WWOX: variants seen among roughly 807,000 people sequenced by gnomAD.
The protein encoded by WWOX is WW domain-containing oxidoreductase.
Under a neutral mutation model 46.2 loss-of-function variants are expected in WWOX, and 69 were observed. The ratio of observed to expected loss-of-function variants is 1.49; its 90% confidence interval spans 1.23 to 1.82. The LOEUF (loss-of-function observed/expected upper bound fraction) is 1.82. Among genes scored for constraint, WWOX ranks in the 40% most tolerant of loss-of-function variants. WWOX has a pLI of 0.00. For synonymous variants in WWOX, 359 were observed against 202.6 expected, an observed-to-expected ratio of 1.77 and a Z score of -6.56; for missense variants, 919 against 542.6, an observed-to-expected ratio of 1.69 and a Z score of -6.89.
chr16:79,092,009 G>C (rs765566964), intron 8 of WWOX, among the ~76,000 whole-genome samples: 10 of 152,002 alleles, frequency 6.6e-5, no homozygotes, highest in Non-Finnish European at 1.3e-4. Flanking sequence ...TCGATCTCTT[G>C]ACCTCGTGAT....
chr16:78,148,099 A>G (rs2034270634), intron 4 of WWOX, among the ~76,000 whole-genome samples: 1 of 152,250 alleles, frequency 6.6e-6, no homozygotes, highest in Non-Finnish European at 1.5e-5. Flanking sequence ...GTTCAGTAAT[A>G]GAATATAGTG....
chr16:78,842,689 C>A (rs1288648628), intron 8 of WWOX, among the ~76,000 whole-genome samples: 6 of 151,926 alleles, frequency 3.9e-5, no homozygotes, highest in Admixed American at 2.0e-4. Flanking sequence ...CATAGTGTGA[C>A]CCCATTTCTA....
chr16:78,723,691 C>T (rs529810123), intron 8 of WWOX, among the ~76,000 whole-genome samples: 2 of 151,058 alleles, frequency 1.3e-5, no homozygotes. Flanking sequence ...TGTTGGAAAG[C>T]TTTCTGCTAA....
intron 4 of WWOX, among the ~76,000 whole-genome samples, chr16:78,120,116 T>C (rs1345651069): frequency 4.6e-5 from 7 of 152,174 alleles, no homozygotes; most frequent in Admixed American, 4.6e-4. Context: ...TTGCATTTTC[T>C]ATTGGTACTT....
intron 4 of WWOX, among the ~76,000 whole-genome samples, chr16:78,142,614 T>C (rs1317146170): frequency 6.6e-6 from 1 of 152,214 alleles, no homozygotes; most frequent in Admixed American, 6.5e-5. Context: ...GAAATCATGA[T>C]TGTGGGTGAA....
rs181921096 is a variant in WWOX, at chr16:78,748,556, G to C, written c.1056+315804G>C. Among the ~76,000 whole-genome samples, 353 of 152,228 alleles carry C rather than the reference G, an allele frequency of 2.3e-3. 2 individuals carry two copies. The highest frequency in any genetic ancestry group is 8.0e-3 in the African/African-American group (332 of 41,540). ...TGGCAGCAAGCCTGCTTTACCATTG[G>C]AGACCTCAGCTCTGATTACAATACG... On this transcript the variant is annotated intron_variant, in intron 8 of 8. Coordinates refer to ENST00000566780, the MANE Select transcript of WWOX (RefSeq NM_016373.4).
chr16:78,388,953 G>C (rs2082118752), intron 6 of WWOX, among the ~76,000 whole-genome samples: 1 of 144,270 alleles, frequency 6.9e-6, no homozygotes. Context: ...CGGGTGACAA[G>C]AGCAAAACTC....
At chr16:78,760,603 C>G (rs776922708) in intron 8 of WWOX, among the ~76,000 whole-genome samples, 1 of 152,166 alleles carries the variant, frequency 6.6e-6, no homozygotes, top group South Asian at 2.1e-4. Flanking sequence ...TGTGTCTCCC[C>G]TCCAAGAACA....
At chr16:78,488,900 C>G (rs955472096) in intron 8 of WWOX, among the ~76,000 whole-genome samples, 1 of 150,870 alleles carries the variant, frequency 6.6e-6, no homozygotes, top group African/African-American at 2.5e-5. Flanking sequence ...TCTGTTGTCA[C>G]TATTATTTTG....
intron 8 of WWOX, among the ~76,000 whole-genome samples, chr16:79,105,669 T>C (rs993420522): frequency 6.6e-6 from 1 of 151,834 alleles, no homozygotes; most frequent in Non-Finnish European, 1.5e-5. Flanking sequence ...TGTTTTTTTT[T>C]TTTTTGTTTG....
chr16:78,462,851 A>C (rs947523924), intron 8 of WWOX, among the ~76,000 whole-genome samples: 1 of 152,070 alleles, frequency 6.6e-6, no homozygotes, highest in Admixed American at 6.6e-5. Context: ...ACAACATCTA[A>C]ATTTTTGTTG....
At chr16:78,496,981 C>G (rs997853858) in intron 8 of WWOX, among the ~76,000 whole-genome samples, 1 of 152,212 alleles carries the variant, frequency 6.6e-6, no homozygotes, top group Non-Finnish European at 1.5e-5. Context: ...AGGGAGTTAA[C>G]TATGGCAAAG....
chr16:78,166,376 T>G (rs2034971461), intron 5 of WWOX, among the ~76,000 whole-genome samples: 1 of 152,178 alleles, frequency 6.6e-6, no homozygotes, highest in Non-Finnish European at 1.5e-5. Context: ...GCATCAGTCT[T>G]TCTTACGATA....
intron 8 of WWOX, among the ~76,000 whole-genome samples, chr16:79,026,396 C>G (rs115474165): frequency 4.6e-5 from 7 of 151,754 alleles, no homozygotes; most frequent in Non-Finnish European, 7.4e-5. Context: ...CTTCCAGACT[C>G]CCCTGGCCAC....
chr16:79,073,855 T>A (rs989275827), intron 8 of WWOX, among the ~76,000 whole-genome samples: 1 of 152,194 alleles, frequency 6.6e-6, no homozygotes, highest in Non-Finnish European at 1.5e-5. Context: ...AAATTAAGCT[T>A]ATGTCTGTTC....
chr16:78,226,633 C>G (rs549902039), intron 5 of WWOX, among the ~76,000 whole-genome samples: 1 of 152,024 alleles, frequency 6.6e-6, no homozygotes, highest in East Asian at 1.9e-4. Context: ...TCAGGTCTCA[C>G]TGCTTTGCTG....
At chr16:78,693,462 AT>A (rs1448974613) in intron 8 of WWOX, among the ~76,000 whole-genome samples, 1 of 152,066 alleles carries the variant, frequency 6.6e-6, no homozygotes, top group African/African-American at 2.4e-5. Context: ...TCCAGCTTCT[AT>A]TTTTTTCCAC....
intron 8 of WWOX, among the ~76,000 whole-genome samples, chr16:78,763,298 C>T (rs2049839652): frequency 6.6e-6 from 1 of 152,230 alleles, no homozygotes; most frequent in South Asian, 2.1e-4. Context: ...CTCATTAATT[C>T]AAAATATGTT....
chr16:78,259,068 G>T (rs2038209718), intron 5 of WWOX, among the ~76,000 whole-genome samples: 1 of 152,154 alleles, frequency 6.6e-6, no homozygotes, highest in Non-Finnish European at 1.5e-5. Context: ...AATAAAAGAA[G>T]CACCATTTTG....
Sources: gnomAD v4.1 joint callset for allele counts (sites outside exome capture counted in the v4.1 genomes callset) on GRCh38, gnomAD v4.1.1 for gene constraint, MANE v1.5 for transcripts, NCBI Gene and HGNC (gene_info 2026-07-23, HGNC 2026-07-21) for gene names.